APOO: variants seen among roughly 807,000 people sequenced by gnomAD.
APOO encodes MICOS complex subunit MIC26.
In APOO, 11 loss-of-function variants were observed where a neutral mutation model predicts 23.1. The observed-to-expected ratio is 0.48, with a 90% CI of 0.30 to 0.79. APOO has a LOEUF of 0.79. APOO is among the 30% of genes least tolerant of loss of function. The pLI, the probability that APOO is intolerant of heterozygous loss-of-function variation, is 0.07. For missense variants in APOO, 160 were observed against 142.7 expected (o/e 1.12, Z -0.62); for synonymous variants, 59 against 54.8 (o/e 1.08, Z -0.34).
chrX:23,903,302 G>GGAGGTTGCA (rs1927209952), intron 1 of APOO, among the ~76,000 whole-genome samples: 1 of 109,968 alleles, frequency 9.1e-6, no homozygotes, highest in African/African-American at 3.3e-5. Context: ...CCCGGGAGGC[G>GGAGGTTGCA]GAGGTTGCAG....
At chrX:23,872,902 T>C (rs1385553759) in intron 4 of APOO, among the ~76,000 whole-genome samples, 2 of 109,040 alleles carry the variant, frequency 1.8e-5, no homozygotes, top group Non-Finnish European at 3.8e-5. Context: ...ATACAAAAAA[T>C]AGGCTGGGTG....
At position 23,878,971 on chromosome X, in the gene APOO, C is replaced by G; in HGVS notation, c.181G>C (p.Glu61Gln). The G allele has an allele frequency of 8.3e-7, 1 of 1,211,710 alleles. No homozygotes were observed. Among genetic ancestry groups the G allele is most frequent in the Non-Finnish European group, 1.1e-6 (1 of 895,299 alleles). Residue 61 changes from glutamate (E) to glutamine (Q), a missense_variant, in exon 3 of 9, where the codon GAA (glutamate) becomes CAA (glutamine). Transcript: ENST00000379226. ...KYVEEARSQL[E>Q]ESISQLRHYC... is the part of the protein sequence containing the mutation. ...TGTCGGAGCTGTGAGATGCTTTCTT[C>G]AAGCTGGCTCCTTGCCTCCTCCACA...
At chrX:23,891,860 C>T (rs1926670117) in intron 1 of APOO, among the ~76,000 whole-genome samples, 2 of 108,267 alleles carry the variant, frequency 1.8e-5, no homozygotes, top group Admixed American at 2.0e-4. Flanking sequence ...TAGACTTATA[C>T]ATACTATATA....
intron 1 of APOO, among the ~76,000 whole-genome samples, chrX:23,903,370 G>GAA (rs775150196): frequency 2.4e-5 from 2 of 82,282 alleles, no homozygotes; most frequent in African/African-American, 4.5e-5. Flanking sequence ...ACTCCATCTA[G>GAA]AAAAAAAAAA....
intron 5 of APOO, among the ~76,000 whole-genome samples, chrX:23,862,499 G>A (rs928561134): frequency 9.1e-6 from 1 of 109,633 alleles, no homozygotes; most frequent in Middle Eastern, 4.7e-3. Flanking sequence ...AGATAGGCTG[G>A]GCGCAGTGGC....
chrX:23,884,697 A>T (rs1926293230), intron 1 of APOO, among the ~76,000 whole-genome samples: 1 of 111,784 alleles, frequency 8.9e-6, no homozygotes, highest in Non-Finnish European at 1.9e-5. Context: ...TAGGAGGAGT[A>T]GTTCAAGAGA....
rs576987114 is a variant in APOO at position 23,885,464 on chromosome X, T to C, written c.10-4512A>G. ...ATAGCAGAGACAGGGTCTCATCATG[T>C]TACTCAAGCTGGTCTCGAACTCCTG... On this transcript the variant is annotated intron_variant, in intron 1 of 8. Coordinates refer to ENST00000379226, the MANE Select transcript of APOO (RefSeq NM_024122.5). Among the ~76,000 whole-genome samples, 63 of 107,461 alleles carry C rather than the reference T, an allele frequency of 5.9e-4. 1 individual carries two copies. In the South Asian group the frequency reaches 0.024, roughly 42 times the overall value. 93.3% of individuals were successfully genotyped at this position (107,461 alleles called of 115,157 possible). A position where few individuals can be genotyped will look rare whatever the true frequency, so the allele number is the denominator to read the frequency against.
intron 1 of APOO, among the ~76,000 whole-genome samples, chrX:23,890,946 T>C (rs1168629114): frequency 8.9e-6 from 1 of 111,763 alleles, no homozygotes; most frequent in East Asian, 2.8e-4. Flanking sequence ...ACCTAAAACC[T>C]TTCTTCCCAA....
At chrX:23,856,116 A>G (rs904033536) in intron 7 of APOO, among the ~76,000 whole-genome samples, 186 bp downstream of exon 7, 1 of 112,164 alleles carries the variant, frequency 8.9e-6, no homozygotes, top group Admixed American at 9.6e-5. Flanking sequence ...CCTGCTGATA[A>G]TAACCAAATA....
chrX:23,866,506 T>G (rs776009952), intron 5 of APOO, among the ~76,000 whole-genome samples: 30 of 111,588 alleles, frequency 2.7e-4, no homozygotes, highest in African/African-American at 9.7e-4. Flanking sequence ...CGGCAGCTCA[T>G]GCCTATAATC....
chrX:23,860,784 A>C (rs748900153), intron 5 of APOO, among the ~76,000 whole-genome samples: 12 of 104,590 alleles, frequency 1.1e-4, no homozygotes, highest in African/African-American at 4.1e-4. Context: ...AGCCTCCCAA[A>C]GTGCTGGGAT....
At chrX:23,899,949 C>T (rs1437896260) in intron 1 of APOO, among the ~76,000 whole-genome samples, 7 of 112,099 alleles carry the variant, frequency 6.2e-5, no homozygotes, top group Non-Finnish European at 1.1e-4. Flanking sequence ...TCATAAATGT[C>T]TGGTACATCA....
chrX:23,859,480 G>A lies in APOO; in HGVS notation c.389-747C>T, dbSNP rs756222524. ...TTTTTTGAGACAGAGTTTTGCTCTT[G>A]TCACCCAGGCTGGAGTGCAATGGCG... is the stretch of plus-strand genomic sequence containing the variant. On this transcript the variant is annotated intron_variant, in intron 5 of 8. Coordinates refer to ENST00000379226, the MANE Select transcript of APOO (RefSeq NM_024122.5). Among the ~76,000 whole-genome samples the A allele has an allele frequency of 1.1e-4, 12 of 105,036 alleles. No homozygotes were observed. The South Asian group carries it at 1.7e-3, about 15-fold the overall frequency. 91.2% of individuals were successfully genotyped at this position (105,036 alleles called of 115,157 possible).
intron 5 of APOO, among the ~76,000 whole-genome samples, chrX:23,861,774 C>A (rs1455768207): frequency 1.1e-4 from 12 of 104,568 alleles, no homozygotes; most frequent in Non-Finnish European, 2.1e-4. Context: ...CGTCAGTGGG[C>A]CCCATGTACA....
Position 23,860,615 on chromosome X carries a change from C to G in APOO, c.389-1882G>C, listed in dbSNP as rs58912963. 0.033 allele frequency among the ~76,000 whole-genome samples: 3,670 copies of G among 109,660 alleles called. 350 individuals are homozygous for G. In the East Asian group the frequency reaches 0.48, roughly 14 times the overall value. On this transcript the variant is annotated intron_variant, in intron 5 of 8. Coordinates refer to ENST00000379226, the MANE Select transcript of APOO (RefSeq NM_024122.5). The stretch of plus-strand genomic sequence containing the variant: ...GCAGCCTCGACCTCCCAGGTTCAAA[C>G]TATCTTCCTGCCTCAGCCCCTCAAG...
At chrX:23,850,673 A>T (rs769380454) in intron 7 of APOO, among the ~76,000 whole-genome samples, 2 of 111,552 alleles carry the variant, frequency 1.8e-5, no homozygotes, top group South Asian at 7.4e-4. Context: ...CTAAAAATAC[A>T]AAAATTAGCC....
At chrX:23,861,362 C>T (rs1038366690) in intron 5 of APOO, among the ~76,000 whole-genome samples, 27 of 109,479 alleles carry the variant, frequency 2.5e-4, no homozygotes, top group Non-Finnish European at 4.6e-4. Context: ...GACACCAGCT[C>T]CCCCTTTGCC....
At chrX:23,857,595 GGATTCAATACTGTCAT>G (rs1252555188) in intron 6 of APOO, among the ~76,000 whole-genome samples, 2 of 111,835 alleles carry the variant, frequency 1.8e-5, no homozygotes, top group Non-Finnish European at 3.8e-5. Context: ...CAAGGAATCT[GGATTCAATACTGTCAT>G]GAACAACCAA....
intron 7 of APOO, 103 bp downstream of exon 7, chrX:23,856,199 C>G (rs73485517): frequency 1.2e-6 from 1 of 859,644 alleles, no homozygotes; most frequent in African/African-American, 2.1e-5. Context: ...TAGAAGCAAA[C>G]AGAAAAAGCA....
Sources: gnomAD v4.1 joint callset for allele counts (sites outside exome capture counted in the v4.1 genomes callset) on GRCh38, gnomAD v4.1.1 for gene constraint, MANE v1.5 for transcripts, NCBI Gene and HGNC (gene_info 2026-07-23, HGNC 2026-07-21) for gene names.